Variants in CLSTN2 observed in about 807,000 individuals in gnomAD.
The protein encoded by CLSTN2 is calsyntenin-2.
A neutral mutation model predicts 101.2 loss-of-function variants in CLSTN2; 48 were observed. That is an observed-to-expected ratio of 0.47 (90% CI 0.38 to 0.60). The LOEUF (loss-of-function observed/expected upper bound fraction) is 0.60, where lower values mean the gene tolerates loss of function less well. Ranked by LOEUF, CLSTN2 falls within the 20% of genes least tolerant of loss-of-function variation. The pLI is 0.00. For synonymous variants in CLSTN2, 481 were observed against 463.6 expected (o/e 1.04, Z -0.48); for missense variants, 1,160 against 1,238.2 (o/e 0.94, Z 0.95).
intron 2 of CLSTN2, among the ~76,000 whole-genome samples, chr3:140,395,276 C>A (rs2088168574): frequency 6.6e-6 from 1 of 152,104 alleles, no homozygotes. Context: ...GAATGGGAAC[C>A]AAGGTTAAGT....
intron 2 of CLSTN2, among the ~76,000 whole-genome samples, chr3:140,342,278 C>A (rs1339178190): frequency 2.0e-5 from 3 of 152,156 alleles, no homozygotes; most frequent in South Asian, 2.1e-4. Context: ...CACTAGATGA[C>A]AATAGCACCA....
At chr3:140,443,149 A>G (rs1478232771) in intron 5 of CLSTN2, among the ~76,000 whole-genome samples, 6 of 152,182 alleles carry the variant, frequency 3.9e-5, no homozygotes, top group Non-Finnish European at 4.4e-5. Context: ...AAATCCAGCA[A>G]TTTCCTAGAA....
chr3:140,563,404 AAC>A (rs1220578585), intron 15 of CLSTN2, among the ~76,000 whole-genome samples: 1 of 152,190 alleles, frequency 6.6e-6, no homozygotes, highest in Non-Finnish European at 1.5e-5. Flanking sequence ...GAAATTACGC[AAC>A]ACACATAATA....
Position 140,403,905 on chromosome 3 carries a change from T to C in CLSTN2, c.428+81T>C, listed in dbSNP as rs578152744. Reference sequence around the variant, plus strand: ...TCATTCACATGCTGCTCTTCAGATATGTTTACCCTCTTGTCACACAATGGT... The same window carrying C: ...TCATTCACATGCTGCTCTTCAGATACGTTTACCCTCTTGTCACACAATGGT... On this transcript the variant is annotated intron_variant, in intron 3 of 16. Transcript: ENST00000458420. 3.0e-4 allele frequency: 348 copies of C among 1,172,016 alleles called. 4 individuals are homozygous for C. In the East Asian group the frequency reaches 8.3e-3, roughly 28 times the overall value. The allele number at this position is 1,172,016 out of a possible 1,614,324, so 72.6% of individuals were successfully genotyped here.
intron 1 of CLSTN2, among the ~76,000 whole-genome samples, chr3:140,163,651 G>T (rs114909833): frequency 2.0e-5 from 3 of 151,098 alleles, no homozygotes; most frequent in South Asian, 2.1e-4. Context: ...GACTTCTTGT[G>T]GGGAGAAGGA....
At chr3:140,216,725 G>A (rs544619364) in intron 2 of CLSTN2, among the ~76,000 whole-genome samples, 1 of 152,278 alleles carries the variant, frequency 6.6e-6, no homozygotes, top group African/African-American at 2.4e-5. Context: ...TATATGAGAT[G>A]TAAAGTGCAA....
chr3:140,385,438 G>C (rs1040187910), intron 2 of CLSTN2, among the ~76,000 whole-genome samples: 1 of 138,762 alleles, frequency 7.2e-6, no homozygotes, highest in Non-Finnish European at 1.5e-5. Context: ...GTGCGATCTC[G>C]ACTCGCTGTA....
At chr3:140,429,045 A>G (rs2088601755) in intron 5 of CLSTN2, among the ~76,000 whole-genome samples, 1 of 152,184 alleles carries the variant, frequency 6.6e-6, no homozygotes, top group South Asian at 2.1e-4. Context: ...AGTGTGTCTA[A>G]CACTTTTGTG....
chr3:140,229,438 A>G (rs564849766), intron 2 of CLSTN2, among the ~76,000 whole-genome samples: 1 of 152,140 alleles, frequency 6.6e-6, no homozygotes, highest in South Asian at 2.1e-4. Context: ...CTGAGACGCC[A>G]CATTCCCACA....
chr3:140,085,181 A>G (rs1387170797), intron 1 of CLSTN2, among the ~76,000 whole-genome samples: 1 of 152,202 alleles, frequency 6.6e-6, no homozygotes, highest in Non-Finnish European at 1.5e-5. Flanking sequence ...GTGGACACCT[A>G]ATTTCCTGCC....
chr3:139,999,553 G>T (rs1446037000), intron 1 of CLSTN2, among the ~76,000 whole-genome samples: 6 of 152,038 alleles, frequency 3.9e-5, no homozygotes, highest in Non-Finnish European at 8.8e-5. Flanking sequence ...TATCTGCTTG[G>T]TCAGAGAGGG....
chr3:140,099,307 A>G (rs1353052732), intron 1 of CLSTN2, among the ~76,000 whole-genome samples: 2 of 152,072 alleles, frequency 1.3e-5, no homozygotes, highest in Non-Finnish European at 2.9e-5. Flanking sequence ...CTCTAGGGGA[A>G]AGTTTTTCCT....
chr3:140,504,757 C>G (rs1269736870), intron 8 of CLSTN2, among the ~76,000 whole-genome samples: 1 of 152,210 alleles, frequency 6.6e-6, no homozygotes, highest in Non-Finnish European at 1.5e-5. Context: ...CAGAACCTAG[C>G]ATGAAAGTAT....
intron 1 of CLSTN2, among the ~76,000 whole-genome samples, chr3:140,153,487 G>T (rs2009901536): frequency 6.6e-6 from 1 of 152,246 alleles, no homozygotes; most frequent in South Asian, 2.1e-4. Flanking sequence ...TTCTCCACCA[G>T]CTAGGGCAGC....
intron 7 of CLSTN2, among the ~76,000 whole-genome samples, chr3:140,466,061 G>A (rs1933693696): frequency 6.6e-6 from 1 of 152,150 alleles, no homozygotes; most frequent in Non-Finnish European, 1.5e-5. Flanking sequence ...TATCTCTAAT[G>A]CTGGAAAATC....
intron 1 of CLSTN2, among the ~76,000 whole-genome samples, chr3:140,138,250 C>A (rs1576441616): frequency 6.6e-6 from 1 of 152,174 alleles, no homozygotes; most frequent in East Asian, 1.9e-4. Flanking sequence ...GGACCAAGTA[C>A]CTTGCAGAAA....
intron 1 of CLSTN2, among the ~76,000 whole-genome samples, chr3:140,129,081 T>C (rs1208388327): frequency 6.6e-6 from 1 of 152,154 alleles, no homozygotes; most frequent in Admixed American, 6.5e-5. Context: ...TCCTGGAAAC[T>C]GAGTGGCCAT....
intron 1 of CLSTN2, among the ~76,000 whole-genome samples, chr3:140,032,971 A>G (rs1014541449): frequency 2.6e-5 from 4 of 152,266 alleles, no homozygotes; most frequent in African/African-American, 7.2e-5. Flanking sequence ...AAAGTGAGAC[A>G]GTACCCATTG....
At chr3:140,442,257 T>A (rs552989401) in intron 5 of CLSTN2, among the ~76,000 whole-genome samples, 17 of 152,084 alleles carry the variant, frequency 1.1e-4, no homozygotes, top group African/African-American at 4.1e-4. Flanking sequence ...ACACCCCTTT[T>A]TGGGGCTTTT....
Sources: gnomAD v4.1 joint callset for allele counts (sites outside exome capture counted in the v4.1 genomes callset) on GRCh38, gnomAD v4.1.1 for gene constraint, MANE v1.5 for transcripts, NCBI Gene and HGNC (gene_info 2026-07-23, HGNC 2026-07-21) for gene names.